The following S100A5 variants were observed in gnomAD, a reference collection of about 807,000 sequenced individuals.
S100A5 encodes the protein protein S100-A5.
In S100A5, 5 loss-of-function variants were observed where a neutral mutation model predicts 6.7. The observed-to-expected ratio is 0.75, with a 90% CI of 0.39 to 1.57. S100A5 has a LOEUF of 1.57. S100A5 is among the 40% of genes most tolerant of loss of function. S100A5 has a pLI of 0.03. For missense variants in S100A5, 129 were observed against 110.8 expected (o/e 1.16, Z -0.74); for synonymous variants, 49 against 44.9 (o/e 1.09, Z -0.37).
At chr1:153,537,573 C>T (rs1400897520) in intron 2 of S100A5, 137 bp from the exon 3 acceptor site, 4 of 1,109,280 alleles carry the variant, frequency 3.6e-6, no homozygotes, top group African/African-American at 1.5e-5. Context: ...GCATCTCGAC[C>T]CCCAGAGTCT....
At chr1:153,541,387 C>A (rs1390960864), upstream of S100A5, 17 of 1,367,666 alleles carry the variant, frequency 1.2e-5, no homozygotes, top group Non-Finnish European at 1.7e-5. Flanking sequence ...GGACTTACCA[C>A]TGTGGGAGTG....
intron 2 of S100A5, among the ~76,000 whole-genome samples, chr1:153,537,770 A>C (rs1439862160): frequency 6.6e-6 from 1 of 152,206 alleles, no homozygotes; most frequent in African/African-American, 2.4e-5. Context: ...TTGCTGGGTC[A>C]GGTGTGGTGG....
At chr1:153,542,773 T>G (rs1463861940), upstream of S100A5, among the ~76,000 whole-genome samples, 3 of 152,136 alleles carry the variant, frequency 2.0e-5, no homozygotes, top group East Asian at 5.8e-4. Flanking sequence ...GCCTTATATT[T>G]TCTGGGGGGA....
intron 2 of S100A5, among the ~76,000 whole-genome samples, chr1:153,538,395 C>T (rs1665256198): frequency 6.6e-6 from 1 of 152,214 alleles, no homozygotes. Flanking sequence ...CAGGTTTTCA[C>T]AGGAGACATT....
At chr1:153,537,560 T>C in intron 2 of S100A5, 124 bp from the exon 3 acceptor site, 1 of 1,219,630 alleles carries the variant, frequency 8.2e-7, no homozygotes, top group East Asian at 2.4e-5. Context: ...AATGACACTG[T>C]CAGCATCTCG....
Position 153,537,285 on chromosome 1 carries a change from G to A in S100A5, c.*11C>T. On this transcript the variant is annotated 3_prime_UTR_variant, in exon 3 of 3. Transcript: ENST00000368717. ...CAAAGGGTGGAGGGTGAGGGTGGAG[G>A]GCAGCCCTGGTCACTTGTTGTCCTC... The A allele has an allele frequency of 6.2e-7, 1 of 1,610,974 alleles. No individual in the cohort carries two copies. Among genetic ancestry groups the A allele is most frequent in the African/African-American group, 1.3e-5 (1 of 74,972 alleles).
rs79329328 is a variant in S100A5 at position 153,537,520 on chromosome 1, C to G, written c.139-84G>C. ...CCACTGCATGGTGTCATCCCCACCC[C>G]GAAACTTCAGGGTGAGCCCCAGCTG... On this transcript the variant is annotated intron_variant, in intron 2 of 2. Coordinates refer to ENST00000368717, the MANE Select transcript of S100A5 (RefSeq NM_001394232.1). 30 of 1,535,858 alleles carry G rather than the reference C, an allele frequency of 2.0e-5. No homozygotes were observed. In the East Asian group the frequency reaches 4.6e-4, roughly 23 times the overall value.
At chr1:153,542,514 C>G (rs746969912), upstream of S100A5, among the ~76,000 whole-genome samples, 16 of 152,168 alleles carry the variant, frequency 1.1e-4, no homozygotes, top group Non-Finnish European at 2.2e-4. Context: ...TCAAACCCTG[C>G]GGGAACATCT....
chr1:153,538,046 CA>C (rs57968564), intron 2 of S100A5, among the ~76,000 whole-genome samples: 1,773 of 136,834 alleles, frequency 0.013, 30 homozygotes, highest in African/African-American at 0.04. Flanking sequence ...AACTCCTTCT[CA>C]AAAAAAAAAA....
chr1:153,543,132 G>A (rs1357593788), upstream of S100A5: 2 of 715,952 alleles, frequency 2.8e-6, no homozygotes, highest in South Asian at 6.2e-5. Flanking sequence ...GCAGGACAGG[G>A]CCTGGACTGT....
At chr1:153,541,044 C>T (rs1385504845), upstream of S100A5, among the ~76,000 whole-genome samples, 1 of 152,176 alleles carries the variant, frequency 6.6e-6, no homozygotes, top group African/African-American at 2.4e-5. Flanking sequence ...TCTTCACCTC[C>T]AGCCCAAAGC....
In S100A5 at chr1:153,540,132, C is replaced by G; in HGVS notation, c.60G>C (p.Ser20=). ...TTMVTTFHKY[S]GREGSKLTLS... ...GGGTCAGTTTGCTACCCTCTCTCCCCGAATATTTGTGAAACGTGGTCACCA... is the reference window on the plus strand; with the variant it reads ...GGGTCAGTTTGCTACCCTCTCTCCCGGAATATTTGTGAAACGTGGTCACCA... Residue 20 remains serine (S), a synonymous_variant, in exon 2 of 3, where the codon TCG becomes TCC. Transcript: ENST00000368717. 2 of 1,614,136 alleles carry G rather than the reference C, an allele frequency of 1.2e-6. No individual in the cohort carries two copies. Among genetic ancestry groups the G allele is most frequent in the Non-Finnish European group, 1.7e-6 (2 of 1,180,030 alleles).
chr1:153,538,591 T>C (rs1311026660), intron 2 of S100A5, among the ~76,000 whole-genome samples: 1 of 152,164 alleles, frequency 6.6e-6, no homozygotes, highest in Non-Finnish European at 1.5e-5. Flanking sequence ...AGGCCAGAGA[T>C]CAGGCCTGGG....
intron 2 of S100A5, 29 bp downstream of exon 2, chr1:153,540,025 G>A (rs1665332674): frequency 6.2e-7 from 1 of 1,612,422 alleles, no homozygotes; most frequent in Admixed American, 1.7e-5. Flanking sequence ...TCAGACTTTG[G>A]GGTGGAGGAT....
At chr1:153,537,581 TCTGCCCA>T in intron 2 of S100A5, 145 bp from the exon 3 acceptor site, 1 of 1,016,450 alleles carries the variant, frequency 9.8e-7, no homozygotes. Flanking sequence ...ACCCCCAGAG[TCTGCCCA>T]CTGCCCACAC....
At chr1:153,542,635 T>C (rs1257303300), upstream of S100A5, among the ~76,000 whole-genome samples, 9 of 152,176 alleles carry the variant, frequency 5.9e-5, no homozygotes. Context: ...CCTCTGCACC[T>C]GACCTCCATG....
chr1:153,539,705 G>A lies in S100A5; in HGVS notation c.138+349C>T, dbSNP rs555317082. 1.1e-3 allele frequency among the ~76,000 whole-genome samples: 170 copies of A among 151,926 alleles called. 1 individual carries two copies. The highest frequency in any genetic ancestry group is 6.8e-3 in the Middle Eastern group (2 of 294). ...CAGGCAGAGTCCCTACACTTGAGTT[G>A]TACACAGCTGGACCTGGACACCCTG... On this transcript the variant is annotated intron_variant, in intron 2 of 2. Coordinates refer to ENST00000368717, the MANE Select transcript of S100A5 (RefSeq NM_001394232.1).
chr1:153,540,079 A>G lies in S100A5; in HGVS notation c.113T>C (p.Ile38Thr). Residue 38 changes from isoleucine to threonine, a missense_variant, in exon 2 of 3, where the codon ATC becomes ACC. Physicochemically the swap from Ile to Thr is moderately conservative, Grantham distance 89. Transcript: ENST00000368717. ...CTCCCCAAGACACAGCTCTTTCTTGATCAGCTCCTTGAGTTCCTTCCTACT... is the reference window on the plus strand; with the variant it reads ...CTCCCCAAGACACAGCTCTTTCTTGGTCAGCTCCTTGAGTTCCTTCCTACT... ...TLSRKELKEL[I>T]KKELCLGEMK... 1 of 1,614,096 alleles carries G rather than the reference A, an allele frequency of 6.2e-7. No homozygotes were observed. Among genetic ancestry groups the G allele is most frequent in the Non-Finnish European group, 8.5e-7 (1 of 1,180,014 alleles).
At chr1:153,540,286 A>G in intron 1 of S100A5, 81 bp from the exon 2 acceptor site, 1 of 1,449,842 alleles carries the variant, frequency 6.9e-7, no homozygotes, top group South Asian at 1.2e-5. Context: ...CCCCTCCCTC[A>G]AAGAACAAGA....
Sources: gnomAD v4.1 joint callset for allele counts (sites outside exome capture counted in the v4.1 genomes callset) on GRCh38, gnomAD v4.1.1 for gene constraint, MANE v1.5 for transcripts, NCBI Gene and HGNC (gene_info 2026-07-23, HGNC 2026-07-21) for gene names.